Variants in SOX6 observed in about 807,000 individuals in gnomAD.
SOX6 encodes transcription factor SOX-6.
SOX6 carries 11 observed loss-of-function variants against 97.8 expected under a neutral mutation model. That is an observed-to-expected ratio of 0.11 (90% CI 0.07 to 0.19). The LOEUF (loss-of-function observed/expected upper bound fraction) is 0.19. SOX6 is among the 10% of genes least tolerant of loss of function. The pLI, the probability that SOX6 is intolerant of heterozygous loss-of-function variation, is 1.00. For missense variants in SOX6, 810 were observed against 1,039.5 expected (o/e 0.78, Z 3.04); for synonymous variants, 360 against 371.4 (o/e 0.97, Z 0.35).
chr11:16,499,108 C>A (rs1253092941), intron 4 of SOX6, among the ~76,000 whole-genome samples: 7 of 152,208 alleles, frequency 4.6e-5, no homozygotes, highest in Non-Finnish European at 1.0e-4. Flanking sequence ...AACAAACTGT[C>A]TCTCAGACCA....
rs1849346161 is a variant in SOX6, at chr11:16,116,278, T to C, written c.778-4355A>G. Among the ~76,000 whole-genome samples the C allele has an allele frequency of 2.6e-5, 4 of 152,178 alleles. 1 individual carries two copies. The South Asian group carries it at 8.3e-4, about 32-fold the overall frequency. ...AACACTGGAAAAGTGATTTACATACTCTATCTCATTTAATCCTCAAAACCC... is the reference window on the plus strand; with the variant it reads ...AACACTGGAAAAGTGATTTACATACCCTATCTCATTTAATCCTCAAAACCC... On this transcript the variant is annotated intron_variant, in intron 6 of 15. Coordinates refer to ENST00000683767, the MANE Select transcript of SOX6 (RefSeq NM_001367873.1).
At chr11:16,127,834 A>C (rs1482294508) in intron 6 of SOX6, among the ~76,000 whole-genome samples, 1 of 152,196 alleles carries the variant, frequency 6.6e-6, no homozygotes, top group Non-Finnish European at 1.5e-5. Flanking sequence ...AAACAAACCC[A>C]GAAAGATGTC....
intron 4 of SOX6, among the ~76,000 whole-genome samples, chr11:16,591,373 A>AGATT (rs1565188329): frequency 6.6e-6 from 1 of 151,890 alleles, no homozygotes; most frequent in African/African-American, 2.4e-5. Context: ...ATAGATAGAT[A>AGATT]GATTTCAGAA....
At chr11:16,491,366 G>A (rs1280955944) in intron 4 of SOX6, among the ~76,000 whole-genome samples, 1 of 152,064 alleles carries the variant, frequency 6.6e-6, no homozygotes, top group Non-Finnish European at 1.5e-5. Flanking sequence ...TAACATTTTT[G>A]AGAATAAGTT....
chr11:16,291,229 TTATATATATATATATA>T (rs10529279), intron 3 of SOX6, among the ~76,000 whole-genome samples: 31 of 143,616 alleles, frequency 2.2e-4, no homozygotes, highest in African/African-American at 7.9e-4. Context: ...TTCTATAAAT[TTATATATATATATATA>T]TATATATATA....
At chr11:16,128,507 T>C (rs1298453799) in intron 6 of SOX6, among the ~76,000 whole-genome samples, 1 of 152,194 alleles carries the variant, frequency 6.6e-6, no homozygotes, top group East Asian at 1.9e-4. Flanking sequence ...GAGAAGTGAC[T>C]TGCCAAGGTC....
intron 1 of SOX6, among the ~76,000 whole-genome samples, chr11:16,444,488 T>C (rs987696444): frequency 6.6e-6 from 1 of 152,214 alleles, no homozygotes; most frequent in Non-Finnish European, 1.5e-5. Context: ...CCCACTATAA[T>C]GGCAAGGATA....
At chr11:16,111,337 A>G (rs1403182995) in intron 7 of SOX6, among the ~76,000 whole-genome samples, 1 of 152,236 alleles carries the variant, frequency 6.6e-6, no homozygotes, top group Non-Finnish European at 1.5e-5. Context: ...GATGAAAATC[A>G]AAAACAATTT....
chr11:16,264,291 G>A (rs1854001925), intron 3 of SOX6, among the ~76,000 whole-genome samples: 1 of 151,882 alleles, frequency 6.6e-6, no homozygotes, highest in Non-Finnish European at 1.5e-5. Flanking sequence ...CAATTGAACA[G>A]ATATGTGTAT....
At chr11:16,110,458 A>G (rs1401902019) in intron 7 of SOX6, 2 of 152,182 alleles carry the variant, frequency 1.3e-5, no homozygotes, top group African/African-American at 2.4e-5. Context: ...ATAGATGCCA[A>G]TGTCATAGTA....
At chr11:16,368,049 G>A (rs1857402157) in intron 1 of SOX6, among the ~76,000 whole-genome samples, 1 of 152,088 alleles carries the variant, frequency 6.6e-6, no homozygotes, top group Admixed American at 6.6e-5. Context: ...CGGCTTCCAT[G>A]AACCTATTGA....
chr11:16,591,257 T>A (rs1237224583), intron 4 of SOX6, among the ~76,000 whole-genome samples: 2 of 151,922 alleles, frequency 1.3e-5, no homozygotes, highest in Admixed American at 6.6e-5. Context: ...AACTTTCATG[T>A]GATGACAAGA....
At chr11:16,453,785 A>G (rs913927561) in intron 1 of SOX6, among the ~76,000 whole-genome samples, 1 of 152,144 alleles carries the variant, frequency 6.6e-6, no homozygotes, top group Non-Finnish European at 1.5e-5. Context: ...TGCTTATTCA[A>G]ACTGCACTCG....
intron 4 of SOX6, among the ~76,000 whole-genome samples, chr11:16,207,832 C>G (rs1852115628): frequency 1.0e-5 from 1 of 95,472 alleles, no homozygotes; most frequent in African/African-American, 5.7e-5. Context: ...GTTGCATAAA[C>G]AACAAGTATC....
intron 4 of SOX6, among the ~76,000 whole-genome samples, chr11:16,522,955 A>T (rs529674689): frequency 6.6e-6 from 1 of 152,358 alleles, no homozygotes; most frequent in African/African-American, 2.4e-5. Flanking sequence ...CATGCACCCA[A>T]TACAGGAGCA....
chr11:16,487,483 T>C (rs1860455927), intron 4 of SOX6, among the ~76,000 whole-genome samples: 1 of 152,210 alleles, frequency 6.6e-6, no homozygotes, highest in South Asian at 2.1e-4. Flanking sequence ...CAGTGCACTA[T>C]CATATCCAGA....
intron 2 of SOX6, among the ~76,000 whole-genome samples, chr11:16,719,257 T>C (rs1247692360): frequency 6.6e-6 from 1 of 152,176 alleles, no homozygotes; most frequent in Non-Finnish European, 1.5e-5. Flanking sequence ...TCCATTTGCA[T>C]TGCCAAGAAT....
At chr11:16,212,481 C>T (rs983736293) in intron 4 of SOX6, among the ~76,000 whole-genome samples, 12 of 151,876 alleles carry the variant, frequency 7.9e-5, no homozygotes, top group African/African-American at 2.7e-4. Flanking sequence ...TAAATTCACA[C>T]GTTGATATGC....
intron 3 of SOX6, among the ~76,000 whole-genome samples, chr11:16,713,697 T>C (rs1848197594): frequency 6.6e-6 from 1 of 152,210 alleles, no homozygotes; most frequent in Non-Finnish European, 1.5e-5. Context: ...CTACACTGCC[T>C]ACTTTCAGAA....
Sources: gnomAD v4.1 joint callset for allele counts (sites outside exome capture counted in the v4.1 genomes callset) on GRCh38, gnomAD v4.1.1 for gene constraint, MANE v1.5 for transcripts, NCBI Gene and HGNC (gene_info 2026-07-23, HGNC 2026-07-21) for gene names.